COL6A6: variants seen among roughly 807,000 people sequenced by gnomAD.
COL6A6 encodes the protein collagen type VI alpha 6 chain.
In COL6A6, 183 loss-of-function variants were observed where a neutral mutation model predicts 208.6. The observed-to-expected ratio is 0.88, with a 90% CI of 0.78 to 0.99. The LOEUF is 0.99. Ranked by LOEUF, COL6A6 falls within the 50% of genes least tolerant of loss-of-function variation. The probability of loss-of-function intolerance (pLI) is 0.00; values close to 1 mark genes in which losing one functional copy is unlikely to be tolerated. For missense variants in COL6A6, 2,816 were observed against 2,815.2 expected, an observed-to-expected ratio of 1.00 and a Z score of -0.01; for synonymous variants, 973 against 1,011.8, an observed-to-expected ratio of 0.96 and a Z score of 0.73.
At chr3:130,610,050 C>T (rs2064309631) in intron 22 of COL6A6, among the ~76,000 whole-genome samples, 1 of 147,560 alleles carries the variant, frequency 6.8e-6, no homozygotes, top group Non-Finnish European at 1.5e-5. Flanking sequence ...TTATTTCATG[C>T]TAAGCAAGTA....
intron 8 of COL6A6, among the ~76,000 whole-genome samples, chr3:130,578,919 A>C (rs1451400579): frequency 6.6e-6 from 1 of 152,230 alleles, no homozygotes; most frequent in African/African-American, 2.4e-5. Context: ...GATGGCAGCT[A>C]GGGCTCTTCC....
intron 10 of COL6A6, among the ~76,000 whole-genome samples, chr3:130,584,740 G>T (rs958318304): frequency 6.6e-6 from 1 of 151,764 alleles, no homozygotes; most frequent in African/African-American, 2.4e-5. Flanking sequence ...TCAGCCTCCC[G>T]AGTAGCTGGG....
intron 1 of COL6A6, among the ~76,000 whole-genome samples, chr3:130,528,102 A>G (rs139535304): frequency 2.5e-3 from 382 of 152,290 alleles, no homozygotes; most frequent in African/African-American, 8.6e-3. Context: ...ATGAAAAATA[A>G]TAAGATGCTA....
At chr3:130,660,210 TA>T (rs1455972191) in intron 34 of COL6A6, among the ~76,000 whole-genome samples, 2 of 152,232 alleles carry the variant, frequency 1.3e-5, no homozygotes, top group Admixed American at 1.3e-4. Context: ...TTCCTGCAAT[TA>T]AAAATCCTAC....
intron 1 of COL6A6, among the ~76,000 whole-genome samples, chr3:130,544,522 T>G (rs919872992): frequency 6.6e-6 from 1 of 152,178 alleles, no homozygotes; most frequent in Non-Finnish European, 1.5e-5. Context: ...AGGTGGTAAT[T>G]TCATTTCCTT....
intron 24 of COL6A6, 124 bp downstream of exon 24, chr3:130,622,007 G>A (rs746484303): frequency 3.8e-6 from 3 of 783,392 alleles, no homozygotes; most frequent in Admixed American, 2.5e-5. Flanking sequence ...TTAAACCCTG[G>A]CTTGATTCTT....
chr3:130,586,700 A>G lies in COL6A6; in HGVS notation c.4125+40A>G, dbSNP rs761452558. On this transcript the variant is annotated intron_variant, in intron 11 of 36. Transcript: ENST00000358511. ...AAAGGCTGGTGAGCTTAAATTTTCA[A>G]TTATTTTGTATATAAGTTTAATACT... 9 of 1,572,762 alleles carry G rather than the reference A, an allele frequency of 5.7e-6. No individual in the cohort carries two copies. The Admixed American group carries it at 1.1e-4, about 20-fold the overall frequency.
Position 130,658,767 on chromosome 3 carries a change from G to A in COL6A6, c.5825G>A (p.Cys1942Tyr). ...GAGAGACTCCAGCGGTGCACTTTCT[G>A]CTATGGTAAGACCCACAGAGAGAAG... ...ALERLQRCTF[C>Y]YDVCKPDASC... Residue 1942 changes from cysteine (C) to tyrosine (Y), a missense_variant, in exon 34 of 37, where the codon TGC becomes TAC. Transcript: ENST00000358511. 2 of 1,609,350 alleles carry A rather than the reference G, an allele frequency of 1.2e-6. No homozygotes were observed. Among genetic ancestry groups the A allele is most frequent in the Non-Finnish European group, 1.7e-6 (2 of 1,176,874 alleles).
intron 1 of COL6A6, among the ~76,000 whole-genome samples, chr3:130,523,647 G>T (rs1711213871): frequency 6.6e-6 from 1 of 152,156 alleles, no homozygotes; most frequent in Admixed American, 6.5e-5. Context: ...GTAGAACTAG[G>T]CTTGCCTTGC....
chr3:130,539,265 A>G (rs1167953003), intron 1 of COL6A6, among the ~76,000 whole-genome samples: 1 of 152,250 alleles, frequency 6.6e-6, no homozygotes, highest in Non-Finnish European at 1.5e-5. Flanking sequence ...AATGGGCAGC[A>G]CTAATTTTTG....
intron 1 of COL6A6, among the ~76,000 whole-genome samples, chr3:130,557,883 G>GA (rs1418335302): frequency 6.6e-6 from 1 of 152,154 alleles, no homozygotes; most frequent in Non-Finnish European, 1.5e-5. Flanking sequence ...GTTTAAATTA[G>GA]AAACATTCTA....
At chr3:130,607,929 G>A (rs2064235181) in intron 21 of COL6A6, among the ~76,000 whole-genome samples, 1 of 152,172 alleles carries the variant, frequency 6.6e-6, no homozygotes, top group Non-Finnish European at 1.5e-5. Flanking sequence ...AGGCTGGGAA[G>A]TCCAAGATCA....
At chr3:130,562,936 A>G (rs904028983) in intron 2 of COL6A6, 132 bp from the exon 3 acceptor site, 1 of 615,502 alleles carries the variant, frequency 1.6e-6, no homozygotes, top group Non-Finnish European at 2.8e-6. Context: ...GTTGCAGGCT[A>G]TTATTTTCGG....
chr3:130,557,401 C>A, intron 1 of COL6A6, among the ~76,000 whole-genome samples: 1 of 152,332 alleles, frequency 6.6e-6, no homozygotes, highest in Non-Finnish European at 1.5e-5. Context: ...ATTTATCCTG[C>A]AGCATTTTAA....
chr3:130,564,468 TTGAA>T lies in COL6A6; in HGVS notation c.662-522_662-519del, dbSNP rs1326561616. ...TCACATTATCCCTGATTAAATCAGT[TTGAA>T]TGAGCTGATATATATACTTACCTAT... On this transcript the variant is annotated intron_variant, in intron 3 of 36. Coordinates refer to ENST00000358511, the MANE Select transcript of COL6A6 (RefSeq NM_001102608.3). 9.2e-5 allele frequency among the ~76,000 whole-genome samples: 14 copies of T among 152,366 alleles called. No individual in the cohort carries two copies. The South Asian group carries it at 1.0e-3, about 11-fold the overall frequency.
intron 1 of COL6A6, among the ~76,000 whole-genome samples, chr3:130,540,156 C>T (rs571076699): frequency 6.6e-6 from 1 of 152,278 alleles, no homozygotes; most frequent in South Asian, 2.1e-4. Flanking sequence ...TATCCTGACC[C>T]TTATGGTTAT....
chr3:130,562,040 C>T (rs1405873945), intron 2 of COL6A6, among the ~76,000 whole-genome samples: 4 of 152,214 alleles, frequency 2.6e-5, no homozygotes, highest in Non-Finnish European at 4.4e-5. Context: ...AAGGTAAAGT[C>T]AGGGTGTTCA....
chr3:130,558,811 C>T (rs2062821344), intron 1 of COL6A6, among the ~76,000 whole-genome samples: 1 of 152,182 alleles, frequency 6.6e-6, no homozygotes, highest in Non-Finnish European at 1.5e-5. Flanking sequence ...GTACCAAAGT[C>T]TCTTAGTTCT....
intron 28 of COL6A6, 69 bp from the exon 29 acceptor site, chr3:130,641,583 A>G (rs111675939): frequency 7.7e-5 from 54 of 704,728 alleles, no homozygotes; most frequent in Non-Finnish European, 1.0e-4. Context: ...TTAATTTTTT[A>G]AAATTTGAAT....
Sources: gnomAD v4.1 joint callset for allele counts (sites outside exome capture counted in the v4.1 genomes callset) on GRCh38, gnomAD v4.1.1 for gene constraint, MANE v1.5 for transcripts, NCBI Gene and HGNC (gene_info 2026-07-23, HGNC 2026-07-21) for gene names.